Variants in UNC93A observed in about 807,000 individuals in gnomAD.
The protein encoded by UNC93A is N-acetylglucosamine transporter UNC93A.
Under a neutral mutation model 47.5 loss-of-function variants are expected in UNC93A, and 43 were observed. The ratio of observed to expected loss-of-function variants is 0.91; its 90% CI spans 0.71 to 1.17. UNC93A has a LOEUF of 1.17. UNC93A is among the 50% of genes most tolerant of loss of function. UNC93A has a pLI of 0.00. For missense variants in UNC93A, 605 were observed against 577.6 expected, an observed-to-expected ratio of 1.05 and a Z score of -0.49; for synonymous variants, 280 against 258.0, an observed-to-expected ratio of 1.09 and a Z score of -0.82.
intron 7 of UNC93A, among the ~76,000 whole-genome samples, chr6:167,312,735 T>G (rs1778594574): frequency 6.6e-6 from 1 of 152,250 alleles, no homozygotes; most frequent in Admixed American, 6.5e-5. Context: ...ATTTTCAGTC[T>G]ACTTTCCTTT....
At chr6:167,311,548 T>A (rs1778556102) in intron 7 of UNC93A, among the ~76,000 whole-genome samples, 1 of 152,174 alleles carries the variant, frequency 6.6e-6, no homozygotes, top group Non-Finnish European at 1.5e-5. Flanking sequence ...ACTCTTTTGC[T>A]CTGTTGGCTG....
Position 167,297,930 on chromosome 6 carries a change from A to T in UNC93A, c.500-15A>T. The T allele has an allele frequency of 6.2e-7, 1 of 1,612,534 alleles. No homozygotes were observed. The highest frequency in any genetic ancestry group is 8.5e-7 in the Non-Finnish European group (1 of 1,179,484). On this transcript the variant is annotated splice_polypyrimidine_tract_variant and intron_variant, in intron 3 of 7. Coordinates refer to ENST00000230256, the MANE Select transcript of UNC93A (RefSeq NM_018974.4). Reference sequence around the variant, plus strand: ...TGCCGTCATCTCATGTCTCCTGTCCACTCTGACTTCATAGAGACCCTTCCA... The same window carrying T: ...TGCCGTCATCTCATGTCTCCTGTCCTCTCTGACTTCATAGAGACCCTTCCA...
At chr6:167,285,853 G>C (rs929477184) in intron 1 of UNC93A, among the ~76,000 whole-genome samples, 1 of 151,186 alleles carries the variant, frequency 6.6e-6, no homozygotes, top group Non-Finnish European at 1.5e-5. Context: ...AAGTATAGAA[G>C]TAGTATATAG....
intron 1 of UNC93A, among the ~76,000 whole-genome samples, chr6:167,278,487 C>T (rs377741573): frequency 5.0e-4 from 76 of 152,246 alleles, no homozygotes; most frequent in African/African-American, 1.7e-3. Context: ...CACGGCCTGC[C>T]CTCACCTGAC....
rs201883708 is a variant in UNC93A at position 167,315,232 on chromosome 6, C to T, written c.1154C>T (p.Ala385Val). The T allele has an allele frequency of 6.9e-5, 112 of 1,613,656 alleles. No homozygotes were observed. The highest frequency in any genetic ancestry group is 9.0e-5 in the Non-Finnish European group (106 of 1,179,878). ...GAGAAGAGCAAGGAAGCTGCCTTCGCCAATTACCGCCTGTGGGAGGCCCTG... is the reference window on the plus strand; with the variant it reads ...GAGAAGAGCAAGGAAGCTGCCTTCGTCAATTACCGCCTGTGGGAGGCCCTG... The part of the protein sequence containing the change: ...LFEKSKEAAF[A>V]NYRLWEALGF... Residue 385 changes from alanine (A) to valine (V), a missense_variant, in exon 8 of 8, where the codon GCC becomes GTC. Transcript: ENST00000230256.
intron 1 of UNC93A, among the ~76,000 whole-genome samples, chr6:167,285,589 G>A (rs1196235441): frequency 2.0e-5 from 3 of 151,634 alleles, no homozygotes; most frequent in Non-Finnish European, 4.4e-5. Context: ...TCGTGGAAGC[G>A]GCTTCCCTGC....
chr6:167,295,232 A>G (rs1267209581), intron 2 of UNC93A, among the ~76,000 whole-genome samples: 2 of 152,174 alleles, frequency 1.3e-5, no homozygotes, highest in Non-Finnish European at 2.9e-5. Context: ...GCCATGGAGC[A>G]TCTCTTCCAG....
intron 1 of UNC93A, among the ~76,000 whole-genome samples, chr6:167,285,958 C>A (rs535291089): frequency 7.0e-4 from 100 of 142,050 alleles, no homozygotes; most frequent in Middle Eastern, 7.3e-3. Context: ...CTCTCTCTCT[C>A]TCTATATATA....
chr6:167,294,582 C>G lies in UNC93A; in HGVS notation c.153C>G (p.Leu51=). Residue 51 remains leucine, a synonymous_variant, in exon 2 of 8, where the codon CTC becomes CTG. Coordinates refer to ENST00000230256, the MANE Select transcript of UNC93A (RefSeq NM_018974.4). Reference sequence around the variant, plus strand: ...TCAGCACCCTCTATGGAGGCATGCTCCTGTCCTCCATGTTCCTCCCACCGC... The same window carrying G: ...TCAGCACCCTCTATGGAGGCATGCTGCTGTCCTCCATGTTCCTCCCACCGC... ...TALSTLYGGM[L]LSSMFLPPLL... is the part of the protein sequence containing the mutation. 2 of 1,614,018 alleles carry G rather than the reference C, an allele frequency of 1.2e-6. No homozygotes were observed. The highest frequency in any genetic ancestry group is 1.7e-6 in the Non-Finnish European group (2 of 1,179,968).
At position 167,294,516 on chromosome 6, in the gene UNC93A, G is replaced by C. The variant is rs749476566; in HGVS notation, c.88-1G>C. 5.0e-6 allele frequency: 8 copies of C among 1,613,812 alleles called. No individual in the cohort carries two copies. In the South Asian group the frequency reaches 6.6e-5, roughly 13 times the overall value. ...TGACAGGGCTGGCTTTGTTCCCACA[G>C]AGCAGCCTGTACAGCGAGGAGGGCC... On this transcript the variant is annotated splice_acceptor_variant, in intron 1 of 7. Coordinates refer to ENST00000230256, the MANE Select transcript of UNC93A (RefSeq NM_018974.4). LOFTEE classifies it high-confidence loss of function.
At chr6:167,303,605 A>G (rs1424144226) in intron 4 of UNC93A, among the ~76,000 whole-genome samples, 3 of 152,130 alleles carry the variant, frequency 2.0e-5, no homozygotes, top group Non-Finnish European at 2.9e-5. Flanking sequence ...GCAGAGTCCA[A>G]TGGTTAAGGA....
chr6:167,270,600 C>T (rs73790124), upstream of UNC93A, among the ~76,000 whole-genome samples: 1,727 of 152,220 alleles, frequency 0.011, 44 homozygotes, highest in African/African-American at 0.04. Context: ...TAACCTGGTG[C>T]CTGTGAACGA....
intron 1 of UNC93A, among the ~76,000 whole-genome samples, chr6:167,273,224 A>C (rs1783479994): frequency 6.6e-6 from 1 of 152,142 alleles, no homozygotes; most frequent in Non-Finnish European, 1.5e-5. Flanking sequence ...ACGCTGGGTC[A>C]GGCCCCATCT....
chr6:167,269,711 A>G (rs765032924), upstream of UNC93A, among the ~76,000 whole-genome samples: 2 of 151,830 alleles, frequency 1.3e-5, no homozygotes, highest in Non-Finnish European at 2.9e-5. Flanking sequence ...GGTTCACACC[A>G]TTCTCCTGCC....
chr6:167,300,578 G>C (rs894777963), intron 4 of UNC93A, among the ~76,000 whole-genome samples: 1 of 152,154 alleles, frequency 6.6e-6, no homozygotes, highest in Admixed American at 6.5e-5. Flanking sequence ...TTTCAGAAGT[G>C]AGTGGAAGGT....
intron 1 of UNC93A, among the ~76,000 whole-genome samples, chr6:167,273,982 C>G (rs1783496496): frequency 6.6e-6 from 1 of 152,050 alleles, no homozygotes; most frequent in Non-Finnish European, 1.5e-5. Context: ...GGAGTATTTC[C>G]TGGATGAGGA....
chr6:167,314,370 C>T (rs1026282270), intron 7 of UNC93A, among the ~76,000 whole-genome samples: 1 of 152,140 alleles, frequency 6.6e-6, no homozygotes, highest in Non-Finnish European at 1.5e-5. Flanking sequence ...GGCCCTGCTG[C>T]CTGCAGTTAA....
At chr6:167,283,616 C>T (rs1021876216) in intron 1 of UNC93A, among the ~76,000 whole-genome samples, 5 of 152,146 alleles carry the variant, frequency 3.3e-5, no homozygotes, top group Admixed American at 6.5e-5. Context: ...ACCTCTAAAA[C>T]ATGCTCACTC....
Position 167,291,507 on chromosome 6 carries a change from G to A in UNC93A, c.18G>A (p.Arg6=), listed in dbSNP as rs2115109332. 6.2e-7 allele frequency: 1 copy of A among 1,613,880 alleles called. No homozygotes were observed. The highest frequency in any genetic ancestry group is 1.1e-5 in the South Asian group (1 of 90,976). MDRSL[R]NVLVVSFGFL... is the part of the protein sequence containing the mutation. ...CCAGCACAATGGACAGAAGTCTAAG[G>A]AACGTCCTTGTGGTTTCCTTTGGGT... is the stretch of plus-strand genomic sequence containing the variant. The change falls in exon 1 of 8, where the codon AGG becomes AGA. Residue 6 remains arginine, a synonymous_variant. Coordinates refer to ENST00000230256, the MANE Select transcript of UNC93A (RefSeq NM_018974.4).
Sources: allele counts gnomAD v4.1 joint callset (sites outside exome capture counted in the v4.1 genomes callset), GRCh38; gene constraint gnomAD v4.1.1; transcripts MANE v1.5; gene names NCBI Gene and HGNC (gene_info 2026-07-23, HGNC 2026-07-21).